Variants in WDFY1 observed in about 807,000 individuals in gnomAD.
WDFY1 encodes the protein WD repeat and FYVE domain containing 1.
In WDFY1, 32 loss-of-function variants were observed where a neutral mutation model predicts 56.4. The observed-to-expected ratio is 0.57, with a 90% CI of 0.43 to 0.76. WDFY1 has a LOEUF of 0.76. Among genes scored for constraint, WDFY1 ranks in the 30% least tolerant of loss-of-function variants. The pLI is 0.00. For missense variants in WDFY1, 480 were observed against 545.7 expected (o/e 0.88, Z 1.20); for synonymous variants, 192 against 197.3 (o/e 0.97, Z 0.23).
chr2:223,880,111 T>C lies in WDFY1; in HGVS notation c.1173+13A>G, dbSNP rs1693039837. ...TCTCAACTGAGATGCTGACAGACAATTAGCCAGCTTACCTTTACAATGCGG... is the reference window on the plus strand; with the variant it reads ...TCTCAACTGAGATGCTGACAGACAACTAGCCAGCTTACCTTTACAATGCGG... On this transcript the variant is annotated intron_variant, in intron 11 of 11. Coordinates refer to ENST00000233055, the MANE Select transcript of WDFY1 (RefSeq NM_020830.5). 1 of 1,609,998 alleles carries C rather than the reference T, an allele frequency of 6.2e-7. No homozygotes were observed. Among genetic ancestry groups the C allele is most frequent in the South Asian group, 1.1e-5 (1 of 90,938 alleles).
At position 223,876,860 on chromosome 2, in the gene WDFY1, G is replaced by A. The variant is rs980509014; in HGVS notation, c.*1811C>T. The A allele has an allele frequency of 1.8e-4, 27 of 152,132 alleles. No individual in the cohort carries two copies. The highest frequency in any genetic ancestry group is 6.5e-4 in the African/African-American group (27 of 41,416). The allele number at this position is 152,132 out of a possible 1,614,324, so 9.4% of individuals were successfully genotyped here. On this transcript the variant is annotated 3_prime_UTR_variant, in exon 12 of 12. Coordinates refer to ENST00000233055, the MANE Select transcript of WDFY1 (RefSeq NM_020830.5). ...ATAAAATCCCTAGGATAGCACCTTT[G>A]TATGGGCTGAACCATTAACTGAACT...
intron 6 of WDFY1, among the ~76,000 whole-genome samples, chr2:223,898,452 T>C (rs1037527820): frequency 5.3e-5 from 8 of 151,958 alleles, no homozygotes; most frequent in Middle Eastern, 3.4e-3. Flanking sequence ...CAGGCAGGAG[T>C]GTAGTGCTGT....
chr2:223,884,949 C>A (rs2106071927), intron 8 of WDFY1, among the ~76,000 whole-genome samples, 200 bp from the exon 9 acceptor site: 1 of 150,324 alleles, frequency 6.7e-6, no homozygotes, highest in Middle Eastern at 3.4e-3. Flanking sequence ...TCAAGTGACT[C>A]TCCTGCCTCA....
chr2:223,929,145 A>AT lies in WDFY1; in HGVS notation c.138-11136dup, dbSNP rs748587609. On this transcript the variant is annotated intron_variant, in intron 1 of 11. Coordinates refer to ENST00000233055, the MANE Select transcript of WDFY1 (RefSeq NM_020830.5). Reference sequence around the variant, plus strand: ...CAATAAACTGTGCCTCTCCATCAGCATGTGTCCCTGTCTAACTTCTTTTTT... The same window carrying AT: ...CAATAAACTGTGCCTCTCCATCAGCATTGTGTCCCTGTCTAACTTCTTTTTT... 6.7e-5 allele frequency among the ~76,000 whole-genome samples: 10 copies of AT among 149,944 alleles called. No individual in the cohort carries two copies. In the South Asian group the frequency reaches 1.5e-3, roughly 22 times the overall value.
chr2:223,901,058 C>T, intron 5 of WDFY1, 125 bp downstream of exon 5: 1 of 1,221,734 alleles, frequency 8.2e-7, no homozygotes, highest in Non-Finnish European at 1.1e-6. Flanking sequence ...AATGCAATTA[C>T]TTTTGCACAA....
rs973832169 is a variant in WDFY1 at position 223,894,457 on chromosome 2, C to A, written c.726-118G>T. The A allele has an allele frequency of 3.4e-5, 31 of 917,300 alleles. No homozygotes were observed. The East Asian group carries it at 7.6e-4, about 22-fold the overall frequency. The allele number at this position is 917,300 out of a possible 1,614,324, so 56.8% of individuals were successfully genotyped here. On this transcript the variant is annotated intron_variant, in intron 7 of 11. Transcript: ENST00000233055. The stretch of plus-strand genomic sequence containing the variant: ...TCAGCAAGTGGTATTTTACCACTGA[C>A]TATTTAGCATGGTAAAATGAATTCT...
intron 2 of WDFY1, among the ~76,000 whole-genome samples, chr2:223,915,167 C>A (rs1463476750): frequency 1.3e-5 from 2 of 152,224 alleles, no homozygotes; most frequent in Non-Finnish European, 2.9e-5. Flanking sequence ...GCAGTTTTAT[C>A]AGCAGATACA....
rs1381216574 is a variant in WDFY1, at chr2:223,914,075, C to A, written c.206-1749G>T. On this transcript the variant is annotated intron_variant, in intron 2 of 11. Coordinates refer to ENST00000233055, the MANE Select transcript of WDFY1 (RefSeq NM_020830.5). ...GCAGTGGCGCAATCTCAGCTCACTGCAACCTCCGCCACTTGGGTTCAAGCG... is the reference window on the plus strand; with the variant it reads ...GCAGTGGCGCAATCTCAGCTCACTGAAACCTCCGCCACTTGGGTTCAAGCG... 6.7e-5 allele frequency among the ~76,000 whole-genome samples: 9 copies of A among 134,798 alleles called. No individual in the cohort carries two copies. In the East Asian group the frequency reaches 2.0e-3, roughly 30 times the overall value. 88.4% of individuals were successfully genotyped at this position (134,798 alleles called of 152,430 possible). A position where few individuals can be genotyped will look rare whatever the true frequency, so the allele number is the denominator to read the frequency against.
chr2:223,891,515 C>A (rs970977605), intron 8 of WDFY1, among the ~76,000 whole-genome samples: 1 of 151,656 alleles, frequency 6.6e-6, no homozygotes, highest in African/African-American at 2.4e-5. Flanking sequence ...AATAATGCAT[C>A]TTTTTGACAC....
chr2:223,887,035 G>T (rs115279314), intron 8 of WDFY1, among the ~76,000 whole-genome samples: 1 of 152,188 alleles, frequency 6.6e-6, no homozygotes, highest in Non-Finnish European at 1.5e-5. Flanking sequence ...TAGAAGAAAG[G>T]TTTCCTTAAA....
At chr2:223,931,234 A>C (rs1694066918) in intron 1 of WDFY1, among the ~76,000 whole-genome samples, 1 of 152,246 alleles carries the variant, frequency 6.6e-6, no homozygotes, top group African/African-American at 2.4e-5. Flanking sequence ...TTGAATCCTT[A>C]AAAATGGAAG....
intron 1 of WDFY1, among the ~76,000 whole-genome samples, chr2:223,919,134 T>C (rs901415308): frequency 1.3e-5 from 2 of 152,238 alleles, no homozygotes; most frequent in Non-Finnish European, 2.9e-5. Flanking sequence ...GTGATCGCCC[T>C]GCTCTGCCTC....
Position 223,899,135 on chromosome 2 carries a change from C to A in WDFY1, c.486-65G>T, listed in dbSNP as rs1693457332. The A allele has an allele frequency of 2.8e-5, 36 of 1,300,660 alleles. No homozygotes were observed. In the South Asian group the frequency reaches 4.2e-4, roughly 15 times the overall value. The allele number at this position is 1,300,660 out of a possible 1,614,324, so 80.6% of individuals were successfully genotyped here. ...TGAAAGTCCTCTCATAAGAGAGATACCAGCATTAGTCAAAGTTAGTTTTCA... is the reference window on the plus strand; with the variant it reads ...TGAAAGTCCTCTCATAAGAGAGATAACAGCATTAGTCAAAGTTAGTTTTCA... On this transcript the variant is annotated intron_variant, in intron 5 of 11. Coordinates refer to ENST00000233055, the MANE Select transcript of WDFY1 (RefSeq NM_020830.5).
At chr2:223,888,566 AAGCC>A (rs941280251) in intron 8 of WDFY1, among the ~76,000 whole-genome samples, 2 of 150,418 alleles carry the variant, frequency 1.3e-5, no homozygotes, top group Non-Finnish European at 2.9e-5. Context: ...AAATACAGAT[AAGCC>A]ATTTTTAAAT....
chr2:223,906,955 C>CTTATTATTATT (rs1559168685), intron 3 of WDFY1, among the ~76,000 whole-genome samples: 81 of 65,818 alleles, frequency 1.2e-3, no homozygotes, highest in African/African-American at 3.4e-3. Flanking sequence ...TTACTACTAC[C>CTTATTATTATT]ATTATTATTA....
At chr2:223,885,585 T>C (rs1693159982) in intron 8 of WDFY1, among the ~76,000 whole-genome samples, 1 of 151,996 alleles carries the variant, frequency 6.6e-6, no homozygotes, top group Non-Finnish European at 1.5e-5. Flanking sequence ...AGTAAATCAG[T>C]TTTTATTGTG....
intron 9 of WDFY1, among the ~76,000 whole-genome samples, chr2:223,883,423 C>T (rs2106070935): frequency 6.6e-6 from 1 of 152,262 alleles, no homozygotes; most frequent in East Asian, 1.9e-4. Flanking sequence ...ATCCATTTCT[C>T]TGTGTTTCCT....
At chr2:223,930,242 C>T (rs536253643) in intron 1 of WDFY1, among the ~76,000 whole-genome samples, 7 of 152,334 alleles carry the variant, frequency 4.6e-5, no homozygotes, top group African/African-American at 1.4e-4. Flanking sequence ...AAACAATGTG[C>T]TCAATTCTTT....
At chr2:223,925,424 T>G (rs930859412) in intron 1 of WDFY1, among the ~76,000 whole-genome samples, 1 of 152,170 alleles carries the variant, frequency 6.6e-6, no homozygotes, top group Admixed American at 6.5e-5. Context: ...TAAAATACTT[T>G]ATTGCTAAAA....
Sources: allele counts gnomAD v4.1 joint callset (sites outside exome capture counted in the v4.1 genomes callset), GRCh38; gene constraint gnomAD v4.1.1; transcripts MANE v1.5; gene names NCBI Gene and HGNC (gene_info 2026-07-23, HGNC 2026-07-21).